Variants in NDST4 observed in about 807,000 individuals in gnomAD.
The protein encoded by NDST4 is N-heparan sulfate sulfotransferase 4.
A neutral mutation model predicts 100.8 loss-of-function variants in NDST4; 63 were observed. The observed-to-expected ratio is 0.62, with a 90% CI of 0.51 to 0.77. NDST4 has a LOEUF of 0.77. Among genes scored for constraint, NDST4 ranks in the 30% least tolerant of loss-of-function variants. The probability of loss-of-function intolerance (pLI) is 0.00; values close to 1 mark genes in which losing one functional copy is unlikely to be tolerated. For missense variants in NDST4, 943 were observed against 1,018.4 expected, an observed-to-expected ratio of 0.93 and a Z score of 1.01; for synonymous variants, 377 against 361.8, an observed-to-expected ratio of 1.04 and a Z score of -0.48.
rs916544244 is a variant in NDST4, at chr4:114,943,010, C to A, written c.1222-5507G>T. On this transcript the variant is annotated intron_variant, in intron 4 of 13. Transcript: ENST00000264363. ...TATATATACTGATATATAATATTTA[C>A]ATATATTATATAATATAATTTAAAT... Among the ~76,000 whole-genome samples, 8 of 145,540 alleles carry A rather than the reference C, an allele frequency of 5.5e-5. No homozygotes were observed. In the Admixed American group the frequency reaches 5.5e-4, roughly 10 times the overall value.
At chr4:115,087,865 A>G (rs909277693) in intron 1 of NDST4, among the ~76,000 whole-genome samples, 1 of 151,908 alleles carries the variant, frequency 6.6e-6, no homozygotes, top group Non-Finnish European at 1.5e-5. Context: ...TGTATATTTT[A>G]TACTTGAAAG....
At chr4:115,033,157 A>ATATATATAT (rs1491126767) in intron 2 of NDST4, among the ~76,000 whole-genome samples, 1 of 59,948 alleles carries the variant, frequency 1.7e-5, no homozygotes, top group Non-Finnish European at 3.5e-5. Flanking sequence ...ATATATATAT[A>ATATATATAT]TTTTTTTTTT....
intron 6 of NDST4, among the ~76,000 whole-genome samples, chr4:114,919,273 TG>T (rs1476826264): frequency 6.6e-6 from 1 of 151,948 alleles, no homozygotes; most frequent in Non-Finnish European, 1.5e-5. Context: ...GATATGAAGG[TG>T]GGGAATGAAA....
Position 115,061,682 on chromosome 4 carries a change from A to T in NDST4, c.978+14377T>A, listed in dbSNP as rs185877736. Among the ~76,000 whole-genome samples, 326 of 152,100 alleles carry T rather than the reference A, an allele frequency of 2.1e-3. 3 individuals carry two copies. Among genetic ancestry groups the T allele is most frequent in the Middle Eastern group, 3.4e-3 (1 of 294 alleles). On this transcript the variant is annotated intron_variant, in intron 2 of 13. Transcript: ENST00000264363. ...CAAATACCTAACGCATGCGGGGCTT[A>T]AAACCTAGATGACAGGTTGATGGGT...
intron 1 of NDST4, among the ~76,000 whole-genome samples, chr4:115,091,696 G>C (rs1157808477): frequency 6.6e-6 from 1 of 152,078 alleles, no homozygotes; most frequent in Non-Finnish European, 1.5e-5. Context: ...ATATGCAGTT[G>C]TTTTGTAGCT....
chr4:115,099,593 C>T lies in NDST4; in HGVS notation c.-247+13851G>A, dbSNP rs116839242. Among the ~76,000 whole-genome samples, 518 of 151,884 alleles carry T rather than the reference C, an allele frequency of 3.4e-3. 4 individuals are homozygous for T. Among genetic ancestry groups the T allele is most frequent in the African/African-American group, 0.012 (489 of 41,402 alleles). ...CACATCATATGGTACTGGGGAGTTG[C>T]GAATTAAAGTATCAATGAGATGCCA... On this transcript the variant is annotated intron_variant, in intron 1 of 13. Coordinates refer to ENST00000264363, the MANE Select transcript of NDST4 (RefSeq NM_022569.3).
At chr4:114,926,567 T>C (rs1578393098) in intron 6 of NDST4, among the ~76,000 whole-genome samples, 2 of 151,330 alleles carry the variant, frequency 1.3e-5, no homozygotes, top group East Asian at 3.9e-4. Flanking sequence ...AAAAAAACTG[T>C]TGAAAATGCA....
chr4:115,074,933 A>G (rs1729148810), intron 2 of NDST4, among the ~76,000 whole-genome samples: 1 of 152,184 alleles, frequency 6.6e-6, no homozygotes, highest in Non-Finnish European at 1.5e-5. Context: ...TTAGTTATAC[A>G]TAGGATGAGA....
At chr4:114,861,600 T>C (rs1418781597) in intron 7 of NDST4, among the ~76,000 whole-genome samples, 1 of 152,154 alleles carries the variant, frequency 6.6e-6, no homozygotes, top group Non-Finnish European at 1.5e-5. Context: ...GTCCACAAGA[T>C]AAGTTTTGCC....
chr4:115,080,693 T>A (rs903243365), intron 1 of NDST4, among the ~76,000 whole-genome samples: 1 of 72,020 alleles, frequency 1.4e-5, no homozygotes, highest in Non-Finnish European at 2.4e-5. Flanking sequence ...TAGTGTGTAG[T>A]GTGTGTGTGT....
intron 6 of NDST4, among the ~76,000 whole-genome samples, chr4:114,915,179 C>T: frequency 6.6e-6 from 1 of 152,118 alleles, no homozygotes; most frequent in East Asian, 1.9e-4. Context: ...CAGGGATTCT[C>T]CAGCTATCAC....
chr4:114,948,530 A>T (rs1335233251), intron 4 of NDST4, among the ~76,000 whole-genome samples: 1 of 152,090 alleles, frequency 6.6e-6, no homozygotes, highest in South Asian at 2.1e-4. Context: ...TTTTCTGTAG[A>T]CATGTTCACA....
chr4:114,851,569 T>C (rs1176828143), intron 8 of NDST4, among the ~76,000 whole-genome samples: 2 of 152,176 alleles, frequency 1.3e-5, no homozygotes, highest in Admixed American at 6.5e-5. Flanking sequence ...ATAATAATAT[T>C]CAATGACAAA....
At chr4:114,984,461 G>A (rs1042229162) in intron 2 of NDST4, among the ~76,000 whole-genome samples, 18 of 152,064 alleles carry the variant, frequency 1.2e-4, no homozygotes, top group African/African-American at 3.9e-4. Flanking sequence ...GAGCAACGGC[G>A]CCAGGCCTAA....
chr4:115,031,359 C>T (rs2126269815), intron 2 of NDST4, among the ~76,000 whole-genome samples: 1 of 152,164 alleles, frequency 6.6e-6, no homozygotes, highest in East Asian at 1.9e-4. Flanking sequence ...AGATCAATTG[C>T]TGAGATCAAT....
At position 114,969,767 on chromosome 4, in the gene NDST4, T is replaced by C. The variant is rs114604557; in HGVS notation, c.1221+663A>G. ...ATGACTTTGCTGTTGTGAATAGCTC[T>C]GTGATGAACATGTGTGTGCGTCTTT... On this transcript the variant is annotated intron_variant, in intron 4 of 13. Transcript: ENST00000264363. 6.2e-3 allele frequency among the ~76,000 whole-genome samples: 940 copies of C among 152,328 alleles called. 7 individuals carry two copies. Among genetic ancestry groups the C allele is most frequent in the African/African-American group, 0.02 (815 of 41,576 alleles).
intron 2 of NDST4, among the ~76,000 whole-genome samples, chr4:115,055,746 G>A (rs1255862365): frequency 6.6e-6 from 1 of 152,000 alleles, no homozygotes; most frequent in African/African-American, 2.4e-5. Context: ...AACAATAGAG[G>A]GATGATAGAT....
chr4:115,042,946 T>C lies in NDST4; in HGVS notation c.978+33113A>G, dbSNP rs1000481897. Among the ~76,000 whole-genome samples the C allele has an allele frequency of 5.9e-5, 9 of 152,200 alleles. No individual in the cohort carries two copies. In the East Asian group the frequency reaches 1.5e-3, roughly 26 times the overall value. ...CCAAGCTTAACAATACTAGCATATG[T>C]TGTGCCTGACAGATGTCTCTGTGTT... On this transcript the variant is annotated intron_variant, in intron 2 of 13. Coordinates refer to ENST00000264363, the MANE Select transcript of NDST4 (RefSeq NM_022569.3).
intron 6 of NDST4, among the ~76,000 whole-genome samples, chr4:114,929,234 C>T (rs544607482): frequency 2.6e-5 from 4 of 152,118 alleles, no homozygotes; most frequent in African/African-American, 9.6e-5. Context: ...TCCGCCTATG[C>T]AAGCCGGGAA....
Sources: gnomAD v4.1 joint callset for allele counts (sites outside exome capture counted in the v4.1 genomes callset) on GRCh38, gnomAD v4.1.1 for gene constraint, MANE v1.5 for transcripts, NCBI Gene and HGNC (gene_info 2026-07-23, HGNC 2026-07-21) for gene names.